The following ALK variants were observed in gnomAD, a reference collection of about 807,000 sequenced individuals.
ALK encodes ALK receptor tyrosine kinase.
ALK carries 74 observed loss-of-function variants against 163.1 expected under a neutral mutation model. The ratio of observed to expected loss-of-function variants is 0.45; its 90% CI spans 0.38 to 0.55. The LOEUF (loss-of-function observed/expected upper bound fraction) is 0.55. ALK is among the 20% of genes least tolerant of loss of function. The pLI is 0.00. For missense variants in ALK, 2,063 were observed against 2,105.3 expected (o/e 0.98, Z 0.39); for synonymous variants, 960 against 843.2 (o/e 1.14, Z -2.40).
At chr2:29,654,442 C>A (rs2339535) in intron 3 of ALK, among the ~76,000 whole-genome samples, 1 of 152,004 alleles carries the variant, frequency 6.6e-6, no homozygotes. Context: ...GTCTAGCATG[C>A]CTTCCAGTAA....
chr2:29,749,681 C>T (rs1172225365), intron 1 of ALK, among the ~76,000 whole-genome samples: 1 of 152,196 alleles, frequency 6.6e-6, no homozygotes, highest in East Asian at 1.9e-4. Flanking sequence ...GGCTCCCCCA[C>T]AGCCCACAGC....
At chr2:29,581,793 A>G (rs563362780) in intron 3 of ALK, among the ~76,000 whole-genome samples, 1 of 152,318 alleles carries the variant, frequency 6.6e-6, no homozygotes, top group African/African-American at 2.4e-5. Context: ...TTTCTTTCCA[A>G]ATTGGAAAGA....
intron 2 of ALK, among the ~76,000 whole-genome samples, chr2:29,708,198 G>C (rs1434064669): frequency 6.6e-6 from 1 of 152,200 alleles, no homozygotes; most frequent in Non-Finnish European, 1.5e-5. Flanking sequence ...CTCCCAAGTA[G>C]CTGGGATTAC....
chr2:29,335,012 C>T (rs758468070), intron 5 of ALK, among the ~76,000 whole-genome samples: 5 of 152,202 alleles, frequency 3.3e-5, no homozygotes, highest in Non-Finnish European at 5.9e-5. Context: ...ATTGTTCTGG[C>T]CTGCGGTGTA....
chr2:29,628,640 TA>T (rs554958095), intron 3 of ALK, among the ~76,000 whole-genome samples: 127 of 152,324 alleles, frequency 8.3e-4, no homozygotes, highest in Non-Finnish European at 1.5e-3. Context: ...GAATTCTCTT[TA>T]AAATGCTTGA....
intron 4 of ALK, among the ~76,000 whole-genome samples, chr2:29,390,777 C>T (rs1174689517): frequency 6.6e-6 from 1 of 152,148 alleles, no homozygotes; most frequent in East Asian, 1.9e-4. Context: ...GGGAAAAATG[C>T]TAGATCAATG....
intron 3 of ALK, among the ~76,000 whole-genome samples, chr2:29,688,075 A>G (rs1678289679): frequency 1.3e-5 from 2 of 152,208 alleles, no homozygotes; most frequent in South Asian, 4.1e-4. Context: ...GTAGCATTCA[A>G]CCAAGAAGTT....
intron 26 of ALK, among the ~76,000 whole-genome samples, chr2:29,206,395 C>T (rs1669310959): frequency 6.6e-6 from 1 of 151,912 alleles, no homozygotes. Flanking sequence ...TCCAAGCTTC[C>T]AGAGTAGCTG....
chr2:29,717,849 G>C (rs1679308745), intron 1 of ALK, 152 bp from the exon 2 acceptor site: 3 of 920,632 alleles, frequency 3.3e-6, no homozygotes, highest in South Asian at 2.9e-5. Context: ...CCAGTAGACT[G>C]AGTTGACCTC....
At chr2:29,200,751 ACGTATATATGTATATATAT>A in intron 26 of ALK, among the ~76,000 whole-genome samples, 1 of 79,500 alleles carries the variant, frequency 1.3e-5, no homozygotes, top group East Asian at 2.5e-4. Flanking sequence ...GTATATATAT[ACGTATATATGTATATATAT>A]ACGTATATAT....
intron 1 of ALK, among the ~76,000 whole-genome samples, chr2:29,719,455 G>A (rs1679363544): frequency 6.6e-6 from 1 of 152,190 alleles, no homozygotes; most frequent in South Asian, 2.1e-4. Flanking sequence ...AGGCAATGGG[G>A]CTCAGAGAAG....
intron 1 of ALK, among the ~76,000 whole-genome samples, chr2:29,721,387 G>A (rs1394939160): frequency 6.6e-6 from 1 of 152,154 alleles, no homozygotes; most frequent in Non-Finnish European, 1.5e-5. Flanking sequence ...GTGCTGACAG[G>A]CCTCATTTTA....
intron 1 of ALK, among the ~76,000 whole-genome samples, chr2:29,919,038 A>G (rs1217475615): frequency 6.6e-6 from 1 of 152,200 alleles, no homozygotes; most frequent in Non-Finnish European, 1.5e-5. Flanking sequence ...AAAGAGTTAG[A>G]AGTAAGTGCC....
chr2:29,678,697 A>T (rs1677968201), intron 3 of ALK, among the ~76,000 whole-genome samples: 1 of 151,146 alleles, frequency 6.6e-6, no homozygotes. Context: ...ATTTTAATTA[A>T]ATTTAAATTT....
rs1428882556 is a variant in ALK, at chr2:29,531,430, T to G, written c.1154+485A>C. 3.3e-5 allele frequency among the ~76,000 whole-genome samples: 5 copies of G among 152,244 alleles called. No homozygotes were observed. The East Asian group carries it at 9.7e-4, about 29-fold the overall frequency. Reference sequence around the variant, plus strand: ...CACAAAGCTCTGTTCCAATCTCTACTGAATTACATTGGCGTAGTATCCATG... The same window carrying G: ...CACAAAGCTCTGTTCCAATCTCTACGGAATTACATTGGCGTAGTATCCATG... On this transcript the variant is annotated intron_variant, in intron 4 of 28. Coordinates refer to ENST00000389048, the MANE Select transcript of ALK (RefSeq NM_004304.5).
At chr2:29,487,363 G>A (rs2148122507) in intron 4 of ALK, among the ~76,000 whole-genome samples, 1 of 152,310 alleles carries the variant, frequency 6.6e-6, no homozygotes, top group African/African-American at 2.4e-5. Context: ...AGCTGTCTGT[G>A]GCCACAGAGC....
Position 29,429,565 on chromosome 2 carries a change from T to C in ALK, c.1155-45706A>G, listed in dbSNP as rs144647352. 5.9e-3 allele frequency among the ~76,000 whole-genome samples: 900 copies of C among 152,054 alleles called. 7 individuals are homozygous for C. Among genetic ancestry groups the C allele is most frequent in the Non-Finnish European group, 7.9e-3 (534 of 67,916 alleles). On this transcript the variant is annotated intron_variant, in intron 4 of 28. Coordinates refer to ENST00000389048, the MANE Select transcript of ALK (RefSeq NM_004304.5). ...CACTCTGAAAAACTACAAAACATTGTTGAAGGAAATCAAATAAGATTTAAA... is the reference window on the plus strand; with the variant it reads ...CACTCTGAAAAACTACAAAACATTGCTGAAGGAAATCAAATAAGATTTAAA...
intron 1 of ALK, among the ~76,000 whole-genome samples, chr2:29,870,582 A>G (rs148753448): frequency 6.8e-6 from 1 of 147,626 alleles, no homozygotes; most frequent in African/African-American, 2.5e-5. Flanking sequence ...TAAGCAAATT[A>G]TGATTTATCT....
chr2:29,853,001 A>T (rs1666043752), intron 1 of ALK, among the ~76,000 whole-genome samples: 1 of 152,190 alleles, frequency 6.6e-6, no homozygotes, highest in African/African-American at 2.4e-5. Flanking sequence ...TGTGAGAAAT[A>T]GATGTGGTTG....
Sources: allele counts gnomAD v4.1 joint callset (sites outside exome capture counted in the v4.1 genomes callset), GRCh38; gene constraint gnomAD v4.1.1; transcripts MANE v1.5; gene names NCBI Gene and HGNC (gene_info 2026-07-23, HGNC 2026-07-21).